FAM118B: variants seen among roughly 807,000 people sequenced by gnomAD.
The protein encoded by FAM118B is SIR2 antiphage like 1.
Under a neutral mutation model 38.5 loss-of-function variants are expected in FAM118B, and 24 were observed. The observed-to-expected ratio is 0.62, with a 90% confidence interval of 0.45 to 0.88. The LOEUF (loss-of-function observed/expected upper bound fraction) is 0.88. Ranked by LOEUF, FAM118B falls within the 40% of genes least tolerant of loss-of-function variation. The probability of loss-of-function intolerance (pLI) is 0.00; values close to 1 mark genes in which losing one functional copy is unlikely to be tolerated. For synonymous variants in FAM118B, 138 were observed against 156.3 expected, an observed-to-expected ratio of 0.88 and a Z score of 0.87; for missense variants, 334 against 420.0, an observed-to-expected ratio of 0.80 and a Z score of 1.79.
At chr11:126,223,098 G>A (rs1445609543) in intron 1 of FAM118B, among the ~76,000 whole-genome samples, 2 of 151,636 alleles carry the variant, frequency 1.3e-5, no homozygotes, top group African/African-American at 4.9e-5. Flanking sequence ...GAGGTGGGGC[G>A]GGGGAGGGGG....
intron 4 of FAM118B, among the ~76,000 whole-genome samples, chr11:126,247,456 T>C (rs1379857909): frequency 6.6e-6 from 1 of 152,184 alleles, no homozygotes; most frequent in Non-Finnish European, 1.5e-5. Flanking sequence ...GTTTTAACCT[T>C]TTCTATTCTT....
rs1565340192 is a variant in FAM118B at position 126,255,678 on chromosome 11, T to G, written c.697-889T>G. 6.6e-6 allele frequency among the ~76,000 whole-genome samples: 1 copy of G among 152,090 alleles called. No individual in the cohort carries two copies. The highest frequency in any genetic ancestry group is 1.5e-5 in the Non-Finnish European group (1 of 68,016). On this transcript the variant is annotated intron_variant, in intron 6 of 8. Coordinates refer to ENST00000533050, the MANE Select transcript of FAM118B (RefSeq NM_024556.4). The surrounding 1 kb of genome is among the most constrained non-coding windows in gnomAD (Gnocchi z 4.6). Reference sequence around the variant, plus strand: ...GCACAATGACCTCTGGGCACATAAATCTAAAAAAGTACGCCTGTAATCCCA... The same window carrying G: ...GCACAATGACCTCTGGGCACATAAAGCTAAAAAAGTACGCCTGTAATCCCA...
At chr11:126,258,743 C>T (rs1950621659) in intron 7 of FAM118B, among the ~76,000 whole-genome samples, 1 of 152,236 alleles carries the variant, frequency 6.6e-6, no homozygotes, top group African/African-American at 2.4e-5. Context: ...CCAAGTTCTA[C>T]ATATTTCTTT....
At chr11:126,219,783 C>A (rs1271712025) in intron 1 of FAM118B, among the ~76,000 whole-genome samples, 1 of 151,842 alleles carries the variant, frequency 6.6e-6, no homozygotes, top group Non-Finnish European at 1.5e-5. Flanking sequence ...TACCCCCAGC[C>A]ACTAGAAATA....
Position 126,240,858 on chromosome 11 carries a change from T to TA in FAM118B, c.154dup (p.Ser52LysfsTer27). 6.2e-7 allele frequency: 1 copy of TA among 1,614,158 alleles called. No individual in the cohort carries two copies. The highest frequency in any genetic ancestry group is 8.5e-7 in the Non-Finnish European group (1 of 1,180,008). ...TTGTGCTAGTGATTGGAACAGGCAT[T>TA]AGTGCTGCAGTTGCGCCCCAAGTTC... On this transcript the variant is annotated frameshift_variant, in exon 4 of 9. Transcript: ENST00000533050. LOFTEE classifies it high-confidence loss of function.
chr11:126,254,540 G>T, intron 6 of FAM118B, 107 bp downstream of exon 6: 1 of 1,434,536 alleles, frequency 7.0e-7, no homozygotes, highest in South Asian at 1.3e-5. Context: ...AAGTGAAAAC[G>T]GAAGGTCAGG....
Position 126,241,035 on chromosome 11 carries a change from A to G in FAM118B, c.330A>G (p.Lys110=). 6.3e-7 allele frequency: 1 copy of G among 1,591,884 alleles called. No individual in the cohort carries two copies. Among genetic ancestry groups the G allele is most frequent in the Non-Finnish European group, 8.6e-7 (1 of 1,167,678 alleles). ...LVHVAHDLIQ[K]LSPRTSNVRS... Reference sequence around the variant, plus strand: ...ATGTTGCCCATGACCTTATCCAGAAACTCTCTCCTGTGAGTACCCTAGTAT... The same window carrying G: ...ATGTTGCCCATGACCTTATCCAGAAGCTCTCTCCTGTGAGTACCCTAGTAT... The change falls in exon 4 of 9, where the codon AAA becomes AAG. Residue 110 remains lysine (K), a synonymous_variant. Transcript: ENST00000533050.
chr11:126,227,062 T>C (rs1320340990), intron 1 of FAM118B, among the ~76,000 whole-genome samples: 3 of 141,380 alleles, frequency 2.1e-5, no homozygotes, highest in Admixed American at 7.0e-5. Flanking sequence ...AAGCTTCTTT[T>C]TTTTTTTTTT....
intron 3 of FAM118B, among the ~76,000 whole-genome samples, chr11:126,237,436 C>A (rs1950291351): frequency 6.8e-6 from 1 of 146,118 alleles, no homozygotes; most frequent in South Asian, 2.1e-4. Context: ...CAGGTTTTCA[C>A]CATGTTGACC....
intron 3 of FAM118B, among the ~76,000 whole-genome samples, chr11:126,238,777 C>T (rs536570558): frequency 2.6e-5 from 4 of 152,152 alleles, no homozygotes; most frequent in African/African-American, 9.6e-5. Context: ...AAAATTCTAC[C>T]AAGGGAATCG....
At chr11:126,234,915 A>T in intron 2 of FAM118B, 80 bp from the exon 3 acceptor site, 1 of 1,157,840 alleles carries the variant, frequency 8.6e-7, no homozygotes, top group Non-Finnish European at 1.2e-6. Context: ...CAGCTTTTTT[A>T]AACTGTTTAA....
At chr11:126,231,967 T>C (rs1565329414) in intron 2 of FAM118B, among the ~76,000 whole-genome samples, 1 of 152,224 alleles carries the variant, frequency 6.6e-6, no homozygotes, top group Non-Finnish European at 1.5e-5. Context: ...AACAAGCAGC[T>C]GTTAAGGATT....
intron 8 of FAM118B, among the ~76,000 whole-genome samples, chr11:126,261,840 TA>T (rs1950707356): frequency 6.6e-6 from 1 of 152,148 alleles, no homozygotes; most frequent in African/African-American, 2.4e-5. Context: ...AAAATTTTTT[TA>T]AATTGCTAGG....
At position 126,255,691 on chromosome 11, in the gene FAM118B, G is replaced by A. The variant is rs889119493; in HGVS notation, c.697-876G>A. On this transcript the variant is annotated intron_variant, in intron 6 of 8. Transcript: ENST00000533050. This position sits in a 1 kb window ranked among gnomAD's most constrained non-coding sequence, Gnocchi z 4.6. ...TGGGCACATAAATCTAAAAAAGTAC[G>A]CCTGTAATCCCAACACTTTGGGAGG... Among the ~76,000 whole-genome samples the A allele has an allele frequency of 2.6e-5, 4 of 152,118 alleles. No homozygotes were observed. The highest frequency in any genetic ancestry group is 2.9e-5 in the Non-Finnish European group (2 of 68,034).
At chr11:126,234,019 C>T (rs1016182041) in intron 2 of FAM118B, among the ~76,000 whole-genome samples, 7 of 152,024 alleles carry the variant, frequency 4.6e-5, no homozygotes, top group African/African-American at 1.7e-4. Context: ...GAGGCCGAGA[C>T]TGCAGTGAGC....
At chr11:126,245,526 T>C (rs1397618883) in intron 4 of FAM118B, among the ~76,000 whole-genome samples, 1 of 151,854 alleles carries the variant, frequency 6.6e-6, no homozygotes, top group African/African-American at 2.4e-5. Flanking sequence ...GTAATGGTTG[T>C]CATCAAGAAA....
chr11:126,262,127 T>C lies in FAM118B; in HGVS notation c.1050T>C (p.Ser350=), dbSNP rs756832951. Residue 350 remains serine (S), a synonymous_variant, in exon 9 of 9, where the codon AGT becomes AGC. Transcript: ENST00000533050. ...TTTTCTTTCTCCCTACAGGCTGTAG[T>C]ACATGAGCGAGCTAGAGAAATCACC... ...SAAHSEIRGC[S]T The C allele has an allele frequency of 7.4e-6, 12 of 1,614,080 alleles. No individual in the cohort carries two copies. The Admixed American group carries it at 8.3e-5, about 11-fold the overall frequency.
At chr11:126,240,074 T>C (rs1950335424) in intron 3 of FAM118B, among the ~76,000 whole-genome samples, 1 of 152,016 alleles carries the variant, frequency 6.6e-6, no homozygotes, top group Non-Finnish European at 1.5e-5. Context: ...GTCTCCAGAA[T>C]GAAAGAGAGG....
At chr11:126,227,342 G>A (rs1021691500) in intron 1 of FAM118B, among the ~76,000 whole-genome samples, 3 of 151,976 alleles carry the variant, frequency 2.0e-5, no homozygotes, top group Non-Finnish European at 2.9e-5. Context: ...GATTACAGGC[G>A]TGAGCCACCG....
Sources: allele counts gnomAD v4.1 joint callset (sites outside exome capture counted in the v4.1 genomes callset), GRCh38; gene constraint gnomAD v4.1.1; non-coding constraint Gnocchi (gnomAD v3.1); transcripts MANE v1.5; gene names NCBI Gene and HGNC (gene_info 2026-07-23, HGNC 2026-07-21).